OR51E2: variants seen among roughly 807,000 people sequenced by gnomAD.
OR51E2 encodes olfactory receptor 51E2.
OR51E2 carries 14 observed loss-of-function variants against 13.7 expected under a neutral mutation model. The observed-to-expected ratio is 1.02, with a 90% confidence interval of 0.68 to 1.60. The LOEUF (loss-of-function observed/expected upper bound fraction) is 1.60. OR51E2 is among the 40% of genes most tolerant of loss of function. The pLI is 0.00. For missense variants in OR51E2, 483 were observed against 413.8 expected (o/e 1.17, Z -1.45); for synonymous variants, 180 against 157.6 (o/e 1.14, Z -1.07).
intron 1 of OR51E2, among the ~76,000 whole-genome samples, chr11:4,697,434 T>G (rs947447075): frequency 1.3e-5 from 2 of 152,204 alleles, no homozygotes; most frequent in Admixed American, 6.5e-5. Context: ...ACCATTTGAC[T>G]AAAAACAAGT....
chr11:4,685,296 C>A (rs190606861), intron 1 of OR51E2, among the ~76,000 whole-genome samples: 56 of 152,290 alleles, frequency 3.7e-4, no homozygotes, highest in Admixed American at 1.7e-3. Flanking sequence ...CCCACTGCCT[C>A]TTCCATCACT....
At chr11:4,695,704 T>C (rs1019751068) in intron 1 of OR51E2, among the ~76,000 whole-genome samples, 7 of 152,160 alleles carry the variant, frequency 4.6e-5, no homozygotes, top group African/African-American at 1.7e-4. Context: ...TCATCTCAAC[T>C]TTCAGCAATG....
At position 4,681,679 on chromosome 11, in the gene OR51E2, A is replaced by G; in HGVS notation, c.*70T>C. 1 of 1,562,050 alleles carries G rather than the reference A, an allele frequency of 6.4e-7. No individual in the cohort carries two copies. The highest frequency in any genetic ancestry group is 8.8e-7 in the Non-Finnish European group (1 of 1,142,446). Reference sequence around the variant, plus strand: ...ACTGATGTGCTTATGGGCAACTGGAAATAAGCTAGTGTTAGAAATAATTAT... The same window carrying G: ...ACTGATGTGCTTATGGGCAACTGGAGATAAGCTAGTGTTAGAAATAATTAT... On this transcript the variant is annotated 3_prime_UTR_variant, in exon 2 of 2. Transcript: ENST00000396950.
At chr11:4,691,148 A>T in intron 1 of OR51E2, 1 of 456,732 alleles carries the variant, frequency 2.2e-6, no homozygotes, top group Non-Finnish European at 4.4e-6. Context: ...GCTTCATCAC[A>T]TCAGGGTGGT....
At chr11:4,689,911 T>G (rs898618277) in intron 1 of OR51E2, among the ~76,000 whole-genome samples, 1 of 150,766 alleles carries the variant, frequency 6.6e-6, no homozygotes, top group Non-Finnish European at 1.5e-5. Flanking sequence ...TTTTAATTAA[T>G]TTTTTTACTT....
At chr11:4,690,934 A>G (rs1297799200) in intron 1 of OR51E2, 1 of 455,214 alleles carries the variant, frequency 2.2e-6, no homozygotes, top group Admixed American at 2.4e-5. Context: ...AGACTGATCA[A>G]TGGAATGTAA....
Position 4,681,534 on chromosome 11 carries a change from T to C in OR51E2, c.*215A>G, listed in dbSNP as rs1278696637. The C allele has an allele frequency of 1.8e-6, 1 of 558,332 alleles. No individual in the cohort carries two copies. Among genetic ancestry groups the C allele is most frequent in the Non-Finnish European group, 3.1e-6 (1 of 318,514 alleles). 34.6% of individuals were successfully genotyped at this position (558,332 alleles called of 1,614,324 possible). On this transcript the variant is annotated 3_prime_UTR_variant, in exon 2 of 2. Coordinates refer to ENST00000396950, the MANE Select transcript of OR51E2 (RefSeq NM_030774.4). ...ATTGTTTTTCTTAATGTTATAAGCA[T>C]GTTTGGTTTTATTGTAGTCTTTAAA...
intron 1 of OR51E2, among the ~76,000 whole-genome samples, chr11:4,686,555 A>G (rs1396647557): frequency 1.3e-5 from 2 of 152,204 alleles, no homozygotes; most frequent in Non-Finnish European, 2.9e-5. Flanking sequence ...GAATTTGAGG[A>G]GGACGAAGTG....
At chr11:4,686,954 C>T (rs1194439830) in intron 1 of OR51E2, among the ~76,000 whole-genome samples, 7 of 151,982 alleles carry the variant, frequency 4.6e-5, no homozygotes, top group African/African-American at 9.7e-5. Context: ...AGGTGGGGGA[C>T]GAGAATCTGC....
intron 1 of OR51E2, among the ~76,000 whole-genome samples, chr11:4,697,015 C>A (rs1847663707): frequency 1.3e-5 from 2 of 152,140 alleles, no homozygotes. Flanking sequence ...ACATTATTGT[C>A]CTCAGTGCTT....
chr11:4,697,154 T>C (rs541957252), intron 1 of OR51E2, among the ~76,000 whole-genome samples: 10 of 152,212 alleles, frequency 6.6e-5, no homozygotes, highest in Non-Finnish European at 1.5e-4. Context: ...CACATACAAC[T>C]GGTGAAAGTC....
At chr11:4,694,575 T>TATACAC (rs72005121) in intron 1 of OR51E2, among the ~76,000 whole-genome samples, 119 of 147,942 alleles carry the variant, frequency 8.0e-4, no homozygotes, top group Non-Finnish European at 1.2e-3. Context: ...CATATATATA[T>TATACAC]ACACACACAC....
intron 1 of OR51E2, among the ~76,000 whole-genome samples, chr11:4,687,118 A>G (rs1409399997): frequency 6.6e-6 from 1 of 152,128 alleles, no homozygotes; most frequent in Non-Finnish European, 1.5e-5. Context: ...CAAAAAATCT[A>G]GTCTGTAGGC....
At chr11:4,684,133 G>C (rs368046551) in intron 1 of OR51E2, among the ~76,000 whole-genome samples, 46 of 152,300 alleles carry the variant, frequency 3.0e-4, no homozygotes, top group African/African-American at 1.0e-3. Flanking sequence ...CCCCATCTTG[G>C]ATAAGCAAAG....
intron 1 of OR51E2, chr11:4,690,837 A>G (rs1026093625): frequency 4.4e-6 from 2 of 454,848 alleles, no homozygotes; most frequent in Admixed American, 2.4e-5. Context: ...GACAGGGTTC[A>G]TCAAAGGGGA....
At chr11:4,690,902 C>A (rs1452113737) in intron 1 of OR51E2, 3 of 456,288 alleles carry the variant, frequency 6.6e-6, no homozygotes, top group Non-Finnish European at 4.4e-6. Context: ...GGGCTTGTTT[C>A]CCAAATCTGT....
chr11:4,686,775 A>G (rs897888221), intron 1 of OR51E2, among the ~76,000 whole-genome samples: 1 of 151,930 alleles, frequency 6.6e-6, no homozygotes, highest in Non-Finnish European at 1.5e-5. Flanking sequence ...GGCTTTTAGG[A>G]AAGTCCCCAA....
Position 4,682,602 on chromosome 11 carries a change from G to A in OR51E2, c.110C>T (p.Ala37Val), listed in dbSNP as rs749485950. The A allele has an allele frequency of 6.2e-7, 1 of 1,614,078 alleles. No homozygotes were observed. The highest frequency in any genetic ancestry group is 1.3e-5 in the African/African-American group (1 of 74,918). The part of the protein sequence containing the change: ...GFPLLSMYVV[A>V]MFGNCIVVFI... ...GACCACGATGCAGTTTCCAAACATT[G>A]CCACTACATACATGGAAAGGAGGGG... is the stretch of plus-strand genomic sequence containing the variant. The change falls in exon 2 of 2, where the codon GCA becomes GTA. Residue 37 changes from alanine (A) to valine (V), a missense_variant. Coordinates refer to ENST00000396950, the MANE Select transcript of OR51E2 (RefSeq NM_030774.4).
At position 4,680,387 on chromosome 11, in the gene OR51E2, A is replaced by T. The variant is rs1388377524; in HGVS notation, c.*1362T>A. On this transcript the variant is annotated 3_prime_UTR_variant, in exon 2 of 2. Transcript: ENST00000396950. ...CAGCTGTAAAACAGGATTATTCTGC[A>T]TGTGTTGCCCACAACTAGGGCAAGG... is the stretch of plus-strand genomic sequence containing the variant. The T allele has an allele frequency of 6.6e-6, 1 of 152,604 alleles. No homozygotes were observed. The highest frequency in any genetic ancestry group is 6.5e-5 in the Admixed American group (1 of 15,282). 9.5% of individuals were successfully genotyped at this position (152,604 alleles called of 1,614,324 possible). A position where few individuals can be genotyped will look rare whatever the true frequency, so the allele number is the denominator to read the frequency against.
Sources: gnomAD v4.1 joint callset for allele counts (sites outside exome capture counted in the v4.1 genomes callset) on GRCh38, gnomAD v4.1.1 for gene constraint, MANE v1.5 for transcripts, NCBI Gene and HGNC (gene_info 2026-07-23, HGNC 2026-07-21) for gene names.